The following PPP3R1 variants were observed in gnomAD, a reference collection of about 807,000 sequenced individuals.
The protein encoded by PPP3R1 is calcineurin subunit B type 1.
A neutral mutation model predicts 22.6 loss-of-function variants in PPP3R1; 5 were observed. That is an observed-to-expected ratio of 0.22 (90% CI 0.12 to 0.46). PPP3R1 has a LOEUF of 0.46. Ranked by LOEUF, PPP3R1 falls within the 20% of genes least tolerant of loss-of-function variation. The pLI is 0.99. For synonymous variants in PPP3R1, 56 were observed against 65.2 expected (o/e 0.86, Z 0.68); for missense variants, 61 against 203.2 (o/e 0.30, Z 4.25).
At chr2:68,217,879 T>C (rs907145760) in intron 1 of PPP3R1, among the ~76,000 whole-genome samples, 4 of 152,136 alleles carry the variant, frequency 2.6e-5, no homozygotes, top group African/African-American at 9.7e-5. Context: ...CCTGGGTCAG[T>C]GCCTACATTT....
Position 68,180,473 on chromosome 2 carries a change from G to A in PPP3R1, c.*490C>T, listed in dbSNP as rs538733552. The A allele has an allele frequency of 6.5e-6, 1 of 152,732 alleles. No individual in the cohort carries two copies. The highest frequency in any genetic ancestry group is 2.1e-4 in the South Asian group (1 of 4,828). The allele number at this position is 152,732 out of a possible 1,614,324, so 9.5% of individuals were successfully genotyped here. A position where few individuals can be genotyped will look rare whatever the true frequency, so the allele number is the denominator to read the frequency against. ...GCTGGCCTAACACCCGGCTCAAATTGTACAGTCTTCTATCTATATATAAAA... is the reference window on the plus strand; with the variant it reads ...GCTGGCCTAACACCCGGCTCAAATTATACAGTCTTCTATCTATATATAAAA... On this transcript the variant is annotated 3_prime_UTR_variant, in exon 6 of 6. Coordinates refer to ENST00000234310, the MANE Select transcript of PPP3R1 (RefSeq NM_000945.4).
At chr2:68,185,445 ATAT>A (rs1019153848) in intron 5 of PPP3R1, among the ~76,000 whole-genome samples, 26 of 76,760 alleles carry the variant, frequency 3.4e-4, no homozygotes, top group East Asian at 8.1e-4. Context: ...TCTTATATTT[ATAT>A]TATATTTATA....
Position 68,195,052 on chromosome 2 carries a change from T to C in PPP3R1, c.44-6362A>G, listed in dbSNP as rs186967013. Among the ~76,000 whole-genome samples the C allele has an allele frequency of 4.1e-4, 62 of 152,292 alleles. 1 individual carries two copies. The East Asian group carries it at 0.011, about 27-fold the overall frequency. On this transcript the variant is annotated intron_variant, in intron 2 of 5. Coordinates refer to ENST00000234310, the MANE Select transcript of PPP3R1 (RefSeq NM_000945.4). ...AGTTTCACCATTTTTTTCACTCATG[T>C]ATGTGGTTTAATATTCTTTAGCCAA... is the stretch of plus-strand genomic sequence containing the variant.
intron 2 of PPP3R1, among the ~76,000 whole-genome samples, chr2:68,199,395 T>G (rs59883268): frequency 0.41 from 62,731 of 152,042 alleles, 13,342 homozygotes; most frequent in South Asian, 0.62. Flanking sequence ...TATAAAACCA[T>G]GTCATCTGGG....
chr2:68,220,159 C>T (rs1187318475), intron 1 of PPP3R1, among the ~76,000 whole-genome samples: 1 of 152,148 alleles, frequency 6.6e-6, no homozygotes, highest in Non-Finnish European at 1.5e-5. Context: ...GAGAAAGTTT[C>T]CAGGTTGCAG....
chr2:68,234,169 C>A (rs917882065), intron 1 of PPP3R1, among the ~76,000 whole-genome samples: 1 of 152,044 alleles, frequency 6.6e-6, no homozygotes, highest in African/African-American at 2.4e-5. Context: ...CGGTGAAACC[C>A]CGTCTCTAGT....
chr2:68,186,679 C>T, intron 4 of PPP3R1, 27 bp from the exon 5 acceptor site: 1 of 1,548,760 alleles, frequency 6.5e-7, no homozygotes, highest in Non-Finnish European at 8.8e-7. Flanking sequence ...AAAATCAATT[C>T]CAATTACAAA....
chr2:68,242,185 T>G (rs990112579), intron 1 of PPP3R1, among the ~76,000 whole-genome samples: 1 of 151,968 alleles, frequency 6.6e-6, no homozygotes, highest in African/African-American at 2.4e-5. Context: ...TACCAGCAAT[T>G]TGGGAGGCTG....
chr2:68,225,183 A>C (rs1436573492), intron 1 of PPP3R1, among the ~76,000 whole-genome samples: 1 of 152,162 alleles, frequency 6.6e-6, no homozygotes, highest in Admixed American at 6.5e-5. Context: ...TTACTGCTGC[A>C]GAAGGATTTT....
chr2:68,216,754 A>C (rs1354609629), intron 2 of PPP3R1, among the ~76,000 whole-genome samples: 2 of 152,188 alleles, frequency 1.3e-5, no homozygotes, highest in Non-Finnish European at 2.9e-5. Context: ...TCACTGAGTC[A>C]CCAAAGAGAA....
At chr2:68,249,859 T>C (rs538234461) in intron 1 of PPP3R1, among the ~76,000 whole-genome samples, 1 of 152,340 alleles carries the variant, frequency 6.6e-6, no homozygotes, top group African/African-American at 2.4e-5. Context: ...TGATATTTCA[T>C]ACTGTAAATG....
intron 2 of PPP3R1, among the ~76,000 whole-genome samples, chr2:68,213,089 T>G (rs951652010): frequency 6.6e-6 from 1 of 152,204 alleles, no homozygotes; most frequent in Admixed American, 6.5e-5. Context: ...CCATAAAAAT[T>G]TACCCATATA....
At chr2:68,251,232 A>T (rs1342230329) in intron 1 of PPP3R1, 1 of 152,184 alleles carries the variant, frequency 6.6e-6, no homozygotes, top group Non-Finnish European at 1.5e-5. Context: ...CAGAGGCGGG[A>T]GACACACCCC....
At chr2:68,226,772 G>A (rs559954313) in intron 1 of PPP3R1, among the ~76,000 whole-genome samples, 25 of 152,190 alleles carry the variant, frequency 1.6e-4, no homozygotes, top group Non-Finnish European at 2.4e-4. Context: ...AGTCTGGAAC[G>A]GTTTAAGTCC....
rs562434556 is a variant in PPP3R1 at position 68,222,163 on chromosome 2, T to C, written c.4-5032A>G. On this transcript the variant is annotated intron_variant, in intron 1 of 5. Coordinates refer to ENST00000234310, the MANE Select transcript of PPP3R1 (RefSeq NM_000945.4). The stretch of plus-strand genomic sequence containing the variant: ...TGTTGTGGGGTATATAAAGTGAACA[T>C]ATGACAACAGCACAAAAGGGTAGAG... Among the ~76,000 whole-genome samples the C allele has an allele frequency of 1.4e-3, 206 of 152,332 alleles. 1 individual carries two copies. Among genetic ancestry groups the C allele is most frequent in the African/African-American group, 4.7e-3 (196 of 41,582 alleles).
chr2:68,200,588 C>A (rs576726357), intron 2 of PPP3R1, among the ~76,000 whole-genome samples: 1 of 152,276 alleles, frequency 6.6e-6, no homozygotes, highest in East Asian at 1.9e-4. Context: ...GTGAGGTAAG[C>A]TGCTCGATGT....
chr2:68,229,842 C>G (rs1389756910), intron 1 of PPP3R1, among the ~76,000 whole-genome samples: 1 of 151,074 alleles, frequency 6.6e-6, no homozygotes, highest in Admixed American at 6.6e-5. Flanking sequence ...ATTGATTCTG[C>G]CAGTATGTTT....
chr2:68,245,871 T>C (rs573034498), intron 1 of PPP3R1, among the ~76,000 whole-genome samples: 8 of 152,294 alleles, frequency 5.3e-5, no homozygotes, highest in African/African-American at 1.7e-4. Context: ...ACCTACATAA[T>C]AGTTTTCATC....
At chr2:68,195,534 C>CT (rs1674749787) in intron 2 of PPP3R1, among the ~76,000 whole-genome samples, 1 of 152,232 alleles carries the variant, frequency 6.6e-6, no homozygotes, top group Admixed American at 6.5e-5. Flanking sequence ...GTAGGGAATA[C>CT]TTTGAGACTG....
Sources: allele counts gnomAD v4.1 joint callset (sites outside exome capture counted in the v4.1 genomes callset), GRCh38; gene constraint gnomAD v4.1.1; transcripts MANE v1.5; gene names NCBI Gene and HGNC (gene_info 2026-07-23, HGNC 2026-07-21).